NAV2: variants seen among roughly 807,000 people sequenced by gnomAD.
NAV2 encodes the protein helicase, APC down-regulated 1.
In NAV2, 54 loss-of-function variants were observed where a neutral mutation model predicts 223.2. That is an observed-to-expected ratio of 0.24 (90% CI 0.19 to 0.30). The LOEUF (loss-of-function observed/expected upper bound fraction) is 0.30. Ranked by LOEUF, NAV2 falls within the 10% of genes least tolerant of loss-of-function variation. The pLI is 1.00. For missense variants in NAV2, 2,806 were observed against 3,147.5 expected, an observed-to-expected ratio of 0.89 and a Z score of 2.60; for synonymous variants, 1,279 against 1,239.3, an observed-to-expected ratio of 1.03 and a Z score of -0.67.
intron 3 of NAV2, among the ~76,000 whole-genome samples, chr11:19,849,431 C>T (rs1249818504): frequency 6.6e-6 from 1 of 152,234 alleles, no homozygotes. Flanking sequence ...AACATGAAAG[C>T]TGAAACAGGG....
At chr11:19,766,370 G>A (rs1464866858) in intron 1 of NAV2, among the ~76,000 whole-genome samples, 1 of 152,164 alleles carries the variant, frequency 6.6e-6, no homozygotes, top group East Asian at 1.9e-4. Flanking sequence ...CATGGTGATG[G>A]GGGTAGAGGA....
At chr11:19,552,932 C>T (rs1236058471) in intron 1 of NAV2, among the ~76,000 whole-genome samples, 1 of 152,060 alleles carries the variant, frequency 6.6e-6, no homozygotes. Context: ...AGTGCTGAGA[C>T]CATCCTTCTC....
intron 1 of NAV2, among the ~76,000 whole-genome samples, chr11:19,545,021 C>G (rs1328383930): frequency 1.3e-5 from 2 of 152,164 alleles, no homozygotes; most frequent in African/African-American, 4.8e-5. Flanking sequence ...GCTTTCAGCC[C>G]CAGAGACAGC....
intron 1 of NAV2, among the ~76,000 whole-genome samples, chr11:19,603,236 A>G (rs1456131904): frequency 1.3e-5 from 2 of 152,162 alleles, no homozygotes; most frequent in Middle Eastern, 3.2e-3. Context: ...TGGCTGCAGC[A>G]TGGAGCTGTA....
intron 1 of NAV2, among the ~76,000 whole-genome samples, chr11:19,471,319 C>G (rs1271191518): frequency 6.6e-6 from 1 of 152,204 alleles, no homozygotes; most frequent in African/African-American, 2.4e-5. Context: ...CTCACATCAG[C>G]AGGTGGTTGA....
At chr11:19,360,834 C>A (rs957510673) in intron 1 of NAV2, among the ~76,000 whole-genome samples, 2 of 152,168 alleles carry the variant, frequency 1.3e-5, no homozygotes, top group African/African-American at 4.8e-5. Flanking sequence ...CTGAACTGCC[C>A]CTGTCCTCGC....
At chr11:19,471,215 C>T (rs2041955072) in intron 1 of NAV2, among the ~76,000 whole-genome samples, 2 of 152,152 alleles carry the variant, frequency 1.3e-5, no homozygotes, top group South Asian at 4.1e-4. Context: ...TCCATGTCAA[C>T]CATACACACC....
intron 1 of NAV2, among the ~76,000 whole-genome samples, chr11:19,626,544 T>G (rs545988954): frequency 3.9e-5 from 6 of 152,320 alleles, no homozygotes; most frequent in African/African-American, 1.2e-4. Context: ...TTTTAGAACT[T>G]TTTTTCCCAT....
chr11:19,466,984 TACACACACACA>T (rs1852375714), intron 1 of NAV2, among the ~76,000 whole-genome samples: 1 of 125,142 alleles, frequency 8.0e-6, no homozygotes, highest in African/African-American at 3.1e-5. Flanking sequence ...TCTCTCTCTC[TACACACACACA>T]CACACACACA....
At chr11:19,373,165 G>A (rs1848528891) in intron 1 of NAV2, among the ~76,000 whole-genome samples, 1 of 152,110 alleles carries the variant, frequency 6.6e-6, no homozygotes, top group South Asian at 2.1e-4. Flanking sequence ...TAAGTGCCCT[G>A]GGGCTCAGAA....
At chr11:19,351,930 C>T (rs1231407181) in intron 1 of NAV2, among the ~76,000 whole-genome samples, 1 of 149,954 alleles carries the variant, frequency 6.7e-6, no homozygotes, top group Non-Finnish European at 1.5e-5. Context: ...GAGATGAAAA[C>T]TGTCCTTCTG....
intron 1 of NAV2, among the ~76,000 whole-genome samples, chr11:19,386,805 A>G (rs1849060680): frequency 6.6e-6 from 1 of 152,202 alleles, no homozygotes; most frequent in South Asian, 2.1e-4. Context: ...AAGTGGGAGC[A>G]CGGACATGAT....
intron 1 of NAV2, among the ~76,000 whole-genome samples, chr11:19,400,418 C>T (rs1849634667): frequency 6.6e-6 from 1 of 152,154 alleles, no homozygotes; most frequent in African/African-American, 2.4e-5. Flanking sequence ...TGGTACCTTC[C>T]TTCAATCTCC....
chr11:19,928,050 A>G (rs1344400787), intron 6 of NAV2, among the ~76,000 whole-genome samples: 1 of 152,204 alleles, frequency 6.6e-6, no homozygotes, highest in Non-Finnish European at 1.5e-5. Context: ...CCTAGTCCTT[A>G]TTTGAGCCTT....
intron 1 of NAV2, among the ~76,000 whole-genome samples, chr11:19,489,572 A>G (rs1037178222): frequency 1.6e-4 from 24 of 152,228 alleles, no homozygotes; most frequent in African/African-American, 5.1e-4. Context: ...CTTGTGAGGC[A>G]AAACAACAGC....
intron 10 of NAV2, among the ~76,000 whole-genome samples, chr11:19,962,722 T>G (rs1183362559): frequency 2.0e-5 from 3 of 152,278 alleles, no homozygotes; most frequent in African/African-American, 7.2e-5. Flanking sequence ...CACACTGGCA[T>G]GGACACCTCC....
chr11:19,575,763 G>A lies in NAV2; in HGVS notation c.75+224736G>A, dbSNP rs922608993. Among the ~76,000 whole-genome samples, 9 of 152,182 alleles carry A rather than the reference G, an allele frequency of 5.9e-5. No individual in the cohort carries two copies. In the South Asian group the frequency reaches 6.2e-4, roughly 10 times the overall value. ...CTCCCGATGGCCAGGGATCCATGTC[G>A]TTCATCTCTGCAGCTACAGGACCTA... is the stretch of plus-strand genomic sequence containing the variant. On this transcript the variant is annotated intron_variant, in intron 1 of 37. Coordinates refer to the NAV2 transcript ENST00000360655.
intron 1 of NAV2, among the ~76,000 whole-genome samples, chr11:19,797,993 G>A (rs1252131965): frequency 6.6e-6 from 1 of 152,156 alleles, no homozygotes; most frequent in Non-Finnish European, 1.5e-5. Context: ...TTTGTCTGAT[G>A]ATTTAGCCTC....
chr11:19,995,771 A>C (rs1331850768), intron 11 of NAV2, among the ~76,000 whole-genome samples: 1 of 152,250 alleles, frequency 6.6e-6, no homozygotes, highest in Non-Finnish European at 1.5e-5. Flanking sequence ...GACACTCATG[A>C]AATTGTAGTC....
Sources: allele counts gnomAD v4.1 joint callset (sites outside exome capture counted in the v4.1 genomes callset), GRCh38; gene constraint gnomAD v4.1.1; transcripts MANE v1.5; gene names NCBI Gene and HGNC (gene_info 2026-07-23, HGNC 2026-07-21).